Variants in DTNA observed in about 807,000 individuals in gnomAD.
DTNA encodes the protein dystrobrevin alpha, also known as dystrophin-related protein 3.
A neutral mutation model predicts 100.7 loss-of-function variants in DTNA; 43 were observed. That is an observed-to-expected ratio of 0.43 (90% CI 0.33 to 0.55). The LOEUF (loss-of-function observed/expected upper bound fraction) is 0.55. Ranked by LOEUF, DTNA falls within the 20% of genes least tolerant of loss-of-function variation. DTNA has a pLI of 0.04. For synonymous variants in DTNA, 349 were observed against 347.9 expected (o/e 1.00, Z -0.04); for missense variants, 798 against 953.9 (o/e 0.84, Z 2.15).
intron 1 of DTNA, among the ~76,000 whole-genome samples, chr18:34,505,368 C>T (rs1601218012): frequency 6.6e-6 from 1 of 152,310 alleles, no homozygotes; most frequent in Admixed American, 6.5e-5. Context: ...GGCCATTCTC[C>T]TTATCTGAAG....
chr18:34,870,973 G>C (rs1463233531), intron 17 of DTNA, among the ~76,000 whole-genome samples: 1 of 152,224 alleles, frequency 6.6e-6, no homozygotes, highest in Non-Finnish European at 1.5e-5. Context: ...ATTATCATCA[G>C]TGTGATGATA....
chr18:34,546,308 T>A (rs1053896431), intron 1 of DTNA, among the ~76,000 whole-genome samples: 4 of 152,100 alleles, frequency 2.6e-5, no homozygotes, highest in African/African-American at 9.7e-5. Flanking sequence ...CTGAACACCT[T>A]ATGTTCATTC....
chr18:34,771,271 G>A (rs1038506510), intron 3 of DTNA, among the ~76,000 whole-genome samples: 3 of 151,938 alleles, frequency 2.0e-5, no homozygotes, highest in African/African-American at 4.8e-5. Flanking sequence ...AGGCCGAGGC[G>A]GGCGGATCAC....
intron 1 of DTNA, among the ~76,000 whole-genome samples, chr18:34,551,659 G>A (rs1161808016): frequency 6.6e-6 from 1 of 152,074 alleles, no homozygotes; most frequent in Non-Finnish European, 1.5e-5. Context: ...ACTTGTGTTT[G>A]CTTTATGTAT....
At chr18:34,693,745 ACT>A (rs1568237075) in intron 1 of DTNA, among the ~76,000 whole-genome samples, 2 of 102,572 alleles carry the variant, frequency 1.9e-5, no homozygotes, top group East Asian at 3.2e-4. Flanking sequence ...TCTTGTGTGC[ACT>A]GTGTGTGTGT....
intron 20 of DTNA, among the ~76,000 whole-genome samples, chr18:34,880,720 G>A (rs1455598275): frequency 6.6e-6 from 1 of 152,192 alleles, no homozygotes; most frequent in Admixed American, 6.5e-5. Flanking sequence ...TTATCAAGAG[G>A]TGTGGTCTGA....
chr18:34,662,334 A>G (rs2075315567), intron 1 of DTNA, among the ~76,000 whole-genome samples: 1 of 152,286 alleles, frequency 6.6e-6, no homozygotes, highest in Admixed American at 6.5e-5. Flanking sequence ...TACATCAGCT[A>G]GATGTCCCTA....
intron 13 of DTNA, among the ~76,000 whole-genome samples, chr18:34,840,181 A>G (rs566022554): frequency 2.0e-5 from 3 of 152,232 alleles, no homozygotes; most frequent in African/African-American, 7.2e-5. Flanking sequence ...TTTACCTTAG[A>G]TCCTACTGTT....
At chr18:34,788,382 A>C (rs978182423) in intron 3 of DTNA, among the ~76,000 whole-genome samples, 1 of 152,206 alleles carries the variant, frequency 6.6e-6, no homozygotes, top group Non-Finnish European at 1.5e-5. Context: ...TATTATAAGC[A>C]CTATGTGGAG....
chr18:34,520,160 A>G (rs987369600), intron 1 of DTNA, among the ~76,000 whole-genome samples: 5 of 152,210 alleles, frequency 3.3e-5, no homozygotes, highest in African/African-American at 1.2e-4. Flanking sequence ...AAAGACAATC[A>G]TGATATTCTT....
chr18:34,833,173 A>T (rs1210323245), intron 11 of DTNA, among the ~76,000 whole-genome samples: 1 of 152,196 alleles, frequency 6.6e-6, no homozygotes, highest in Non-Finnish European at 1.5e-5. Flanking sequence ...ATCTTTGTCA[A>T]GGGCTAATAT....
intron 1 of DTNA, among the ~76,000 whole-genome samples, chr18:34,753,366 A>ATTTTTTTT (rs757853063): frequency 5.3e-5 from 7 of 133,148 alleles, no homozygotes; most frequent in African/African-American, 2.2e-4. Context: ...TATTTATTTT[A>ATTTTTTTT]TTTTTTTTTT....
At chr18:34,722,768 G>A (rs8088057) in intron 1 of DTNA, among the ~76,000 whole-genome samples, 2,137 of 152,184 alleles carry the variant, frequency 0.014, 40 homozygotes, top group African/African-American at 0.046. Context: ...AGTCACTATA[G>A]ATTAGTTTGC....
intron 1 of DTNA, among the ~76,000 whole-genome samples, chr18:34,637,973 C>T (rs1465146308): frequency 6.6e-6 from 1 of 152,246 alleles, no homozygotes; most frequent in African/African-American, 2.4e-5. Context: ...ATCTCCTCTT[C>T]ACATTGGAAA....
At chr18:34,843,397 A>G (rs150974224) in intron 13 of DTNA, among the ~76,000 whole-genome samples, 150 of 152,146 alleles carry the variant, frequency 9.9e-4, no homozygotes, top group African/African-American at 3.2e-3. Flanking sequence ...TCATCTTTGT[A>G]TTAGTTTGCT....
At chr18:34,579,243 G>A (rs1230199519) in intron 1 of DTNA, among the ~76,000 whole-genome samples, 4 of 152,130 alleles carry the variant, frequency 2.6e-5, no homozygotes. Flanking sequence ...GACACAAAAT[G>A]TGTTACTATT....
At chr18:34,709,585 T>A (rs1368943450), upstream of DTNA, 3 of 152,204 alleles carry the variant, frequency 2.0e-5, no homozygotes, top group East Asian at 1.9e-4. Context: ...AGAGTTTGTA[T>A]CGTTTCAAAT....
intron 1 of DTNA, among the ~76,000 whole-genome samples, chr18:34,535,302 T>C (rs565777931): frequency 7.2e-5 from 11 of 152,250 alleles, no homozygotes; most frequent in South Asian, 4.2e-4. Flanking sequence ...TTGCAAAGTG[T>C]CTGTTCATAT....
intron 1 of DTNA, among the ~76,000 whole-genome samples, chr18:34,590,160 AATAAG>A (rs1301384314): frequency 3.9e-5 from 6 of 152,222 alleles, no homozygotes; most frequent in Non-Finnish European, 8.8e-5. Flanking sequence ...ATTGGCATTT[AATAAG>A]ATAATAAATA....
Sources: allele counts gnomAD v4.1 joint callset (sites outside exome capture counted in the v4.1 genomes callset), GRCh38; gene constraint gnomAD v4.1.1; transcripts MANE v1.5; gene names NCBI Gene and HGNC (gene_info 2026-07-23, HGNC 2026-07-21).